Variants in SLC19A2 observed in about 807,000 individuals in gnomAD.
SLC19A2 encodes solute carrier family 19 member 2.
Under a neutral mutation model 44.7 loss-of-function variants are expected in SLC19A2, and 27 were observed. The ratio of observed to expected loss-of-function variants is 0.60; its 90% CI spans 0.45 to 0.83. The LOEUF (loss-of-function observed/expected upper bound fraction) is 0.83, where lower values mean the gene tolerates loss of function less well. Ranked by LOEUF, SLC19A2 falls within the 40% of genes least tolerant of loss-of-function variation. The probability of loss-of-function intolerance (pLI) is 0.00; values close to 1 mark genes in which losing one functional copy is unlikely to be tolerated. For missense variants in SLC19A2, 566 were observed against 613.7 expected (o/e 0.92, Z 0.82); for synonymous variants, 239 against 243.6 (o/e 0.98, Z 0.18).
intron 2 of SLC19A2, among the ~76,000 whole-genome samples, chr1:169,476,651 C>T (rs749778570): frequency 1.3e-4 from 19 of 151,990 alleles, no homozygotes; most frequent in African/African-American, 2.7e-4. Context: ...ACTCTGGAGG[C>T]GGAGGTTGCA....
intron 1 of SLC19A2, among the ~76,000 whole-genome samples, chr1:169,481,707 T>G (rs1658448454): frequency 6.6e-6 from 1 of 152,314 alleles, no homozygotes; most frequent in East Asian, 1.9e-4. Flanking sequence ...GGAATTGATT[T>G]TATTATGACC....
At chr1:169,467,456 T>C (rs1195904171) in intron 5 of SLC19A2, among the ~76,000 whole-genome samples, 1 of 151,644 alleles carries the variant, frequency 6.6e-6, no homozygotes, top group African/African-American at 2.4e-5. Context: ...AAGAAATCAT[T>C]TGGGTTGGGA....
At chr1:169,470,963 C>A (rs1195264123) in intron 2 of SLC19A2, among the ~76,000 whole-genome samples, 1 of 151,428 alleles carries the variant, frequency 6.6e-6, no homozygotes, top group Non-Finnish European at 1.5e-5. Flanking sequence ...TGACTCATGT[C>A]TATAATCTCA....
At chr1:169,485,477 G>C in intron 1 of SLC19A2, 86 bp downstream of exon 1, 1 of 1,417,394 alleles carries the variant, frequency 7.1e-7, no homozygotes, top group Non-Finnish European at 9.7e-7. Context: ...AATGGCTCGA[G>C]CGCTTTTCTC....
At chr1:169,482,051 A>C (rs912573822) in intron 1 of SLC19A2, among the ~76,000 whole-genome samples, 8 of 149,546 alleles carry the variant, frequency 5.3e-5, no homozygotes, top group Non-Finnish European at 1.2e-4. Context: ...ATACAAAAAA[A>C]TTAGCCGGGC....
At chr1:169,484,569 G>A (rs776529540) in intron 1 of SLC19A2, among the ~76,000 whole-genome samples, 4 of 152,282 alleles carry the variant, frequency 2.6e-5, no homozygotes, top group East Asian at 1.9e-4. Context: ...CAAGGAAGAG[G>A]GTGTTGAATC....
intron 1 of SLC19A2, among the ~76,000 whole-genome samples, chr1:169,480,276 T>C (rs557906512): frequency 1.3e-5 from 2 of 152,132 alleles, no homozygotes; most frequent in Non-Finnish European, 2.9e-5. Context: ...AACTTGTCAT[T>C]CCTTTGTGGC....
chr1:169,482,127 G>T (rs938937950), intron 1 of SLC19A2, among the ~76,000 whole-genome samples: 3 of 151,954 alleles, frequency 2.0e-5, no homozygotes, highest in African/African-American at 7.3e-5. Flanking sequence ...CTTGAATCTG[G>T]GAGGCAGAGA....
intron 1 of SLC19A2, among the ~76,000 whole-genome samples, chr1:169,484,511 T>C (rs1005327167): frequency 6.6e-6 from 1 of 152,160 alleles, no homozygotes; most frequent in Admixed American, 6.5e-5. Context: ...CCTTGACTGA[T>C]AGTAGGAAAA....
At chr1:169,484,560 A>T (rs768580413) in intron 1 of SLC19A2, among the ~76,000 whole-genome samples, 6 of 152,208 alleles carry the variant, frequency 3.9e-5, no homozygotes, top group Non-Finnish European at 8.8e-5. Flanking sequence ...TGTTGTATTC[A>T]AGGAAGAGGG....
In SLC19A2 at chr1:169,465,941, C is replaced by T; in HGVS notation, c.1402G>A (p.Val468Met). The T allele has an allele frequency of 6.2e-7, 1 of 1,614,100 alleles. No individual in the cohort carries two copies. The highest frequency in any genetic ancestry group is 8.5e-7 in the Non-Finnish European group (1 of 1,179,978). Residue 468 changes from valine to methionine, a missense_variant, in exon 6 of 6, where the codon GTG (valine) becomes ATG (methionine). Val to Met is a conservative substitution (Grantham distance 21). Coordinates refer to ENST00000236137, the MANE Select transcript of SLC19A2 (RefSeq NM_006996.3). The part of the protein sequence containing the change: ...IYASYFALIA[V>M]VFLASGAVSV... ...ACTGCACCACTGGCCAGGAAAACCA[C>T]AGCGATGAGTGCAAAATAACTGGCA...
At chr1:169,472,754 C>CTA (rs1571534735) in intron 2 of SLC19A2, among the ~76,000 whole-genome samples, 1 of 152,222 alleles carries the variant, frequency 6.6e-6, no homozygotes, top group African/African-American at 2.4e-5. Flanking sequence ...GCACCTCGTG[C>CTA]TATAATCTGC....
At chr1:169,485,959 A>G (rs1658559459), upstream of SLC19A2, 4 of 662,856 alleles carry the variant, frequency 6.0e-6, no homozygotes, top group South Asian at 2.0e-5. Flanking sequence ...TCGCTGCCTG[A>G]TCGCCCAGTT....
In SLC19A2 at chr1:169,477,251, A is replaced by G. The variant is rs1658342525; in HGVS notation, c.711T>C (p.Ile237=). The change falls in exon 2 of 6, where the codon ATT becomes ATC. Residue 237 remains isoleucine (I), a synonymous_variant. Transcript: ENST00000236137. ...VNGIKVQNGG[I]VTDTPASNHL... ...GGTTAGAAGCTGGGGTGTCAGTAACAATGCCACCATTTTGTACCTTGATGC... is the reference window on the plus strand; with the variant it reads ...GGTTAGAAGCTGGGGTGTCAGTAACGATGCCACCATTTTGTACCTTGATGC... 4 of 1,614,196 alleles carry G rather than the reference A, an allele frequency of 2.5e-6. No individual in the cohort carries two copies. The highest frequency in any genetic ancestry group is 2.5e-6 in the Non-Finnish European group (3 of 1,180,040).
intron 3 of SLC19A2, 22 bp from the exon 4 acceptor site, chr1:169,468,858 T>C: frequency 6.2e-7 from 1 of 1,607,906 alleles, no homozygotes; most frequent in Non-Finnish European, 8.5e-7. Flanking sequence ...ACAAAAAAAA[T>C]CCAATTATTT....
At chr1:169,477,031 C>T in intron 2 of SLC19A2, 124 bp downstream of exon 2, 1 of 1,098,920 alleles carries the variant, frequency 9.1e-7, no homozygotes, top group Non-Finnish European at 1.4e-6. Context: ...AAGCAATAAA[C>T]CAACTCAGGA....
chr1:169,480,382 G>A (rs544575032), intron 1 of SLC19A2, among the ~76,000 whole-genome samples: 26 of 151,760 alleles, frequency 1.7e-4, no homozygotes, highest in African/African-American at 4.8e-4. Context: ...GCGTGATCTC[G>A]GCTCACTGCA....
At chr1:169,468,375 G>C in intron 4 of SLC19A2, 123 bp from the exon 5 acceptor site, 1 of 864,048 alleles carries the variant, frequency 1.2e-6, no homozygotes, top group Non-Finnish European at 1.8e-6. Context: ...ACTGTCAATT[G>C]CCTTTCCAAC....
intron 2 of SLC19A2, among the ~76,000 whole-genome samples, chr1:169,471,183 C>T (rs1027937299): frequency 6.6e-6 from 1 of 151,890 alleles, no homozygotes; most frequent in Non-Finnish European, 1.5e-5. Context: ...TACAAGACTA[C>T]ATGTAGATCA....
Sources: allele counts gnomAD v4.1 joint callset (sites outside exome capture counted in the v4.1 genomes callset), GRCh38; gene constraint gnomAD v4.1.1; transcripts MANE v1.5; gene names NCBI Gene and HGNC (gene_info 2026-07-23, HGNC 2026-07-21).